The following DHRS4 variants were observed in gnomAD, a reference collection of about 807,000 sequenced individuals.
DHRS4 encodes dehydrogenase/reductase 4.
Under a neutral mutation model 28.4 loss-of-function variants are expected in DHRS4, and 20 were observed. The ratio of observed to expected loss-of-function variants is 0.71; its 90% CI spans 0.50 to 1.02. The LOEUF (loss-of-function observed/expected upper bound fraction) is 1.02. DHRS4 is among the 50% of genes least tolerant of loss of function. The probability of loss-of-function intolerance (pLI) is 0.00; values close to 1 mark genes in which losing one functional copy is unlikely to be tolerated. For synonymous variants in DHRS4, 144 were observed against 146.4 expected (o/e 0.98, Z 0.12); for missense variants, 378 against 367.2 (o/e 1.03, Z -0.24).
chr14:23,967,301 A>G, intron 7 of DHRS4, 35 bp downstream of exon 7: 1 of 1,604,448 alleles, frequency 6.2e-7, no homozygotes, highest in Non-Finnish European at 8.5e-7. Flanking sequence ...ACTAAGAGAC[A>G]TGAAGATGGG....
intron 3 of DHRS4, among the ~76,000 whole-genome samples, chr14:23,962,519 A>T (rs1343035153): frequency 1.3e-5 from 2 of 152,006 alleles, no homozygotes; most frequent in East Asian, 3.9e-4. Context: ...TATCCGTAAG[A>T]ACCAGCTCCT....
At position 23,967,143 on chromosome 14, in the gene DHRS4, G is replaced by A; in HGVS notation, c.667-68G>A. 25 of 1,548,434 alleles carry A rather than the reference G, an allele frequency of 1.6e-5. 1 individual carries two copies. Among genetic ancestry groups the A allele is most frequent in the Non-Finnish European group, 2.2e-5 (25 of 1,150,576 alleles). On this transcript the variant is annotated intron_variant, in intron 6 of 7. Coordinates refer to ENST00000313250, the MANE Select transcript of DHRS4 (RefSeq NM_021004.4). ...CAGTCCGGCCTGGGCAAAAGAGCAA[G>A]ACTCCGTCTCTAAAAAGAAAAAGAA...
chr14:23,967,152 T>A, intron 6 of DHRS4, 59 bp from the exon 7 acceptor site: 1 of 1,560,724 alleles, frequency 6.4e-7, no homozygotes, highest in Non-Finnish European at 8.6e-7. Flanking sequence ...AGACTCCGTC[T>A]CTAAAAAGAA....
chr14:23,954,628 A>T (rs1202616781), intron 1 of DHRS4, among the ~76,000 whole-genome samples: 12 of 152,250 alleles, frequency 7.9e-5, no homozygotes, highest in Non-Finnish European at 1.5e-5. Flanking sequence ...AAAATAACTA[A>T]GGATAGAATT....
In DHRS4 at chr14:23,953,933, G is replaced by C; in HGVS notation, c.128+17G>C. On this transcript the variant is annotated intron_variant, in intron 1 of 7. Transcript: ENST00000313250. ...CACCGACGGGTGAGTGCTCCGGCCGGAGTTTCTGAGGCCCTGGCTGCCTGG... is the reference window on the plus strand; with the variant it reads ...CACCGACGGGTGAGTGCTCCGGCCGCAGTTTCTGAGGCCCTGGCTGCCTGG... 4.5e-6 allele frequency: 7 copies of C among 1,567,124 alleles called. No homozygotes were observed. Among genetic ancestry groups the C allele is most frequent in the Non-Finnish European group, 6.1e-6 (7 of 1,156,808 alleles).
In DHRS4 at chr14:23,969,028, G is replaced by C; in HGVS notation, c.*157G>C. ...AGATCCAGCCTTCCCTGCCGTCAAG[G>C]TGGCGTCTTACTCGGGATTTCTGCT... On this transcript the variant is annotated 3_prime_UTR_variant, in exon 8 of 8. Transcript: ENST00000313250. 1 of 1,339,762 alleles carries C rather than the reference G, an allele frequency of 7.5e-7. No homozygotes were observed. The highest frequency in any genetic ancestry group is 9.9e-7 in the Non-Finnish European group (1 of 1,008,924). The allele number at this position is 1,339,762 out of a possible 1,614,324, so 83.0% of individuals were successfully genotyped here. A position where few individuals can be genotyped will look rare whatever the true frequency, so the allele number is the denominator to read the frequency against.
chr14:23,966,349 C>G lies in DHRS4; in HGVS notation c.598C>G (p.Leu200Val). ...LGLTKTLAIE[L>V]APRNIRVNCL... Reference sequence around the variant, plus strand: ...CCTGACCAAGACCCTGGCCATAGAGCTGGCCCCAAGGAACATTAGGGTGAA... The same window carrying G: ...CCTGACCAAGACCCTGGCCATAGAGGTGGCCCCAAGGAACATTAGGGTGAA... The change falls in exon 6 of 8, where the codon CTG becomes GTG. Residue 200 changes from leucine (L) to valine (V), a missense_variant. Coordinates refer to ENST00000313250, the MANE Select transcript of DHRS4 (RefSeq NM_021004.4). The G allele has an allele frequency of 6.2e-7, 1 of 1,614,056 alleles. No homozygotes were observed. Among genetic ancestry groups the G allele is most frequent in the Non-Finnish European group, 8.5e-7 (1 of 1,180,034 alleles).
intron 3 of DHRS4, among the ~76,000 whole-genome samples, chr14:23,964,865 C>T (rs1205595525): frequency 6.7e-6 from 1 of 150,254 alleles, no homozygotes; most frequent in African/African-American, 2.4e-5. Context: ...GCATGAGCCA[C>T]CATGCCCAGC....
At chr14:23,957,025 A>AT (rs1304028307) in intron 2 of DHRS4, among the ~76,000 whole-genome samples, 2 of 152,216 alleles carry the variant, frequency 1.3e-5, no homozygotes, top group Middle Eastern at 3.2e-3. Context: ...AAAGATGGTT[A>AT]TTAGGAAAGC....
Position 23,959,904 on chromosome 14 carries a change from T to C in DHRS4, c.309T>C (p.Ala103=). 1.9e-6 allele frequency: 3 copies of C among 1,613,434 alleles called. No homozygotes were observed. The highest frequency in any genetic ancestry group is 2.5e-6 in the Non-Finnish European group (3 of 1,179,874). Residue 103 remains alanine, a splice_region_variant and synonymous_variant, in exon 3 of 8, where the codon GCT becomes GCC. Coordinates refer to ENST00000313250, the MANE Select transcript of DHRS4 (RefSeq NM_021004.4). ...AEDRERLVAT[A]VKLHGGIDIL... is the part of the protein sequence containing the mutation. ...CCAGAACTTACCCCTCTCTCTAGGCTGTGAAGCTTCATGGAGGTATCGATA... is the reference window on the plus strand; with the variant it reads ...CCAGAACTTACCCCTCTCTCTAGGCCGTGAAGCTTCATGGAGGTATCGATA...
At chr14:23,960,606 T>C in intron 3 of DHRS4, among the ~76,000 whole-genome samples, 1 of 151,840 alleles carries the variant, frequency 6.6e-6, no homozygotes, top group East Asian at 1.9e-4. Flanking sequence ...AAGTGTATAA[T>C]TACATTATAT....
intron 6 of DHRS4, among the ~76,000 whole-genome samples, 164 bp from the exon 7 acceptor site, chr14:23,967,047 C>T (rs111644370): frequency 2.0e-5 from 3 of 151,844 alleles, no homozygotes; most frequent in Non-Finnish European, 4.4e-5. Flanking sequence ...CCCAGCTACT[C>T]GGGAGGCTGA....
chr14:23,966,156 A>G (rs905034285), intron 5 of DHRS4, 127 bp from the exon 6 acceptor site: 7 of 1,579,954 alleles, frequency 4.4e-6, no homozygotes, highest in Admixed American at 1.7e-5. Flanking sequence ...TTTAGCCACA[A>G]GACAGTTCCC....
At position 23,966,360 on chromosome 14, in the gene DHRS4, G is replaced by A; in HGVS notation, c.609G>A (p.Arg203=). ...TKTLAIELAP[R]NIRVNCLAPG... is the part of the protein sequence containing the mutation. The stretch of plus-strand genomic sequence containing the variant: ...CCCTGGCCATAGAGCTGGCCCCAAG[G>A]AACATTAGGGTGAACTGCCTAGCAC... The change falls in exon 6 of 8, where the codon AGG becomes AGA. Residue 203 remains arginine, a synonymous_variant. Coordinates refer to ENST00000313250, the MANE Select transcript of DHRS4 (RefSeq NM_021004.4). 6.2e-7 allele frequency: 1 copy of A among 1,614,048 alleles called. No homozygotes were observed. Among genetic ancestry groups the A allele is most frequent in the South Asian group, 1.1e-5 (1 of 91,066 alleles).
At chr14:23,954,094 C>A (rs2032973365) in intron 1 of DHRS4, 178 bp downstream of exon 1, 5 of 996,836 alleles carry the variant, frequency 5.0e-6, no homozygotes, top group South Asian at 3.4e-5. Flanking sequence ...AGCCCTGGAC[C>A]CTCCCTTGCC....
rs185688202 is a variant in DHRS4 at position 23,959,199 on chromosome 14, A to G, written c.307-703A>G. ...ATCATGAGAATGAAGGAGCTTCCCAAAGGGGAAGTGTAAAGAAAAGAGCGT... is the reference window on the plus strand; with the variant it reads ...ATCATGAGAATGAAGGAGCTTCCCAGAGGGGAAGTGTAAAGAAAAGAGCGT... On this transcript the variant is annotated intron_variant, in intron 2 of 7. Coordinates refer to ENST00000313250, the MANE Select transcript of DHRS4 (RefSeq NM_021004.4). Among the ~76,000 whole-genome samples, 5 of 152,310 alleles carry G rather than the reference A, an allele frequency of 3.3e-5. No homozygotes were observed. In the East Asian group the frequency reaches 7.7e-4, roughly 23 times the overall value.
chr14:23,957,243 G>A (rs989230544), intron 2 of DHRS4, among the ~76,000 whole-genome samples: 6 of 152,156 alleles, frequency 3.9e-5, no homozygotes, highest in Non-Finnish European at 7.3e-5. Flanking sequence ...CTCTCAAGTA[G>A]TTTGTATGAC....
rs1434297978 is a variant in DHRS4, at chr14:23,957,519, G to A, written c.306+2307G>A. On this transcript the variant is annotated intron_variant, in intron 2 of 7. Transcript: ENST00000313250. ...AACAGCTCCTAACCGCTTTGGTGTA[G>A]TGATCACACAATTTAGAATAAGACT... is the stretch of plus-strand genomic sequence containing the variant. Among the ~76,000 whole-genome samples the A allele has an allele frequency of 6.6e-5, 10 of 151,016 alleles. No individual in the cohort carries two copies. The South Asian group carries it at 2.1e-3, about 32-fold the overall frequency.
Position 23,965,860 on chromosome 14 carries a change from G to C in DHRS4, c.479+28G>C. 6 of 1,606,786 alleles carry C rather than the reference G, an allele frequency of 3.7e-6. 1 individual carries two copies. The highest frequency in any genetic ancestry group is 1.1e-5 in the South Asian group (1 of 90,368). ...ACAGAGAGTGAGAGAGAGCCTGGGT[G>C]AGAGGGGACACCACACGGGCTGAGG... On this transcript the variant is annotated intron_variant, in intron 4 of 7. Coordinates refer to ENST00000313250, the MANE Select transcript of DHRS4 (RefSeq NM_021004.4).
Sources: gnomAD v4.1 joint callset for allele counts (sites outside exome capture counted in the v4.1 genomes callset) on GRCh38, gnomAD v4.1.1 for gene constraint, MANE v1.5 for transcripts, NCBI Gene and HGNC (gene_info 2026-07-23, HGNC 2026-07-21) for gene names.